FHIP1A: variants seen among roughly 807,000 people sequenced by gnomAD.
FHIP1A encodes FHF complex subunit HOOK-interacting protein 1A.
Under a neutral mutation model 88.6 loss-of-function variants are expected in FHIP1A, and 61 were observed. The ratio of observed to expected loss-of-function variants is 0.69; its 90% CI spans 0.56 to 0.85. The LOEUF is 0.85. Among genes scored for constraint, FHIP1A ranks in the 40% least tolerant of loss-of-function variants. The probability of loss-of-function intolerance (pLI) is 0.00; values close to 1 mark genes in which losing one functional copy is unlikely to be tolerated. For synonymous variants in FHIP1A, 478 were observed against 496.0 expected (o/e 0.96, Z 0.48); for missense variants, 1,154 against 1,273.5 (o/e 0.91, Z 1.43).
intron 2 of FHIP1A, among the ~76,000 whole-genome samples, chr4:151,466,059 C>T (rs572133190): frequency 2.0e-5 from 3 of 152,282 alleles, no homozygotes; most frequent in Admixed American, 6.5e-5. Flanking sequence ...TTGCAGATGA[C>T]ATGATTCTAT....
intron 3 of FHIP1A, among the ~76,000 whole-genome samples, chr4:151,487,170 C>T (rs1171347262): frequency 1.3e-5 from 2 of 151,992 alleles, no homozygotes; most frequent in Non-Finnish European, 2.9e-5. Context: ...CTTTTTGTCC[C>T]TGCCCTGTAT....
chr4:151,504,013 A>G (rs181143526), intron 3 of FHIP1A, among the ~76,000 whole-genome samples: 8 of 152,380 alleles, frequency 5.3e-5, no homozygotes, highest in African/African-American at 1.9e-4. Flanking sequence ...CCAACTTGTT[A>G]TATGGTCATA....
At position 151,663,423 on chromosome 4, in the gene FHIP1A, A is replaced by T. The variant is rs1737549587; in HGVS notation, c.*669A>T. ...CAGATAATTTTTCTTATTTCTTGAGAGCTTACTTTAATCAGCATGACACTA... is the reference window on the plus strand; with the variant it reads ...CAGATAATTTTTCTTATTTCTTGAGTGCTTACTTTAATCAGCATGACACTA... On this transcript the variant is annotated 3_prime_UTR_variant, in exon 14 of 14. Transcript: ENST00000435205. 1 of 152,200 alleles carries T rather than the reference A, an allele frequency of 6.6e-6. No individual in the cohort carries two copies. Among genetic ancestry groups the T allele is most frequent in the Admixed American group, 6.5e-5 (1 of 15,288 alleles). 9.4% of individuals were successfully genotyped at this position (152,200 alleles called of 1,614,324 possible). A position where few individuals can be genotyped will look rare whatever the true frequency, so the allele number is the denominator to read the frequency against.
intron 4 of FHIP1A, among the ~76,000 whole-genome samples, chr4:151,569,751 C>G (rs190083806): frequency 2.6e-5 from 4 of 152,196 alleles, no homozygotes; most frequent in Admixed American, 2.6e-4. Context: ...CCACTTATAC[C>G]TTAGAGCCTG....
At chr4:151,537,137 C>T (rs1305434715) in intron 3 of FHIP1A, among the ~76,000 whole-genome samples, 2 of 152,058 alleles carry the variant, frequency 1.3e-5, no homozygotes, top group African/African-American at 2.4e-5. Context: ...CTCAGCCTCC[C>T]AAAGTGCTGG....
chr4:151,570,879 T>A (rs1045202426), intron 4 of FHIP1A, among the ~76,000 whole-genome samples: 4 of 152,228 alleles, frequency 2.6e-5, no homozygotes, highest in African/African-American at 9.6e-5. Flanking sequence ...ATCTTTGGAC[T>A]TGGCATTAAA....
intron 7 of FHIP1A, among the ~76,000 whole-genome samples, chr4:151,596,542 G>A (rs1734657230): frequency 6.6e-6 from 1 of 152,094 alleles, no homozygotes; most frequent in South Asian, 2.1e-4. Context: ...GGTGGTCTCT[G>A]TATTTTCTGA....
In FHIP1A at chr4:151,446,484, C is replaced by CTTTT. The variant is rs372904502; in HGVS notation, c.-355-8208_-355-8205dup. On this transcript the variant is annotated intron_variant, in intron 1 of 13. Coordinates refer to ENST00000435205, the MANE Select transcript of FHIP1A (RefSeq NM_001109977.3). ...TCCTTTCCTTTTCCCTTTCCTTTTC[C>CTTTT]TTTTTTTTTTTTGCAGGATTCATTT... 4.6e-3 allele frequency among the ~76,000 whole-genome samples: 622 copies of CTTTT among 136,530 alleles called. 6 individuals are homozygous for CTTTT. Among genetic ancestry groups the CTTTT allele is most frequent in the African/African-American group, 0.01 (376 of 37,132 alleles). 89.6% of individuals were successfully genotyped at this position (136,530 alleles called of 152,430 possible). A position where few individuals can be genotyped will look rare whatever the true frequency, so the allele number is the denominator to read the frequency against.
In FHIP1A at chr4:151,425,819, A is replaced by G. The variant is rs191451685; in HGVS notation, c.-356+16354A>G. Among the ~76,000 whole-genome samples, 15 of 152,220 alleles carry G rather than the reference A, an allele frequency of 9.9e-5. No individual in the cohort carries two copies. The East Asian group carries it at 2.9e-3, about 29-fold the overall frequency. On this transcript the variant is annotated intron_variant, in intron 1 of 13. Coordinates refer to ENST00000435205, the MANE Select transcript of FHIP1A (RefSeq NM_001109977.3). Reference sequence around the variant, plus strand: ...CTCTGTCTTTGCATCATTCTCCTCTACATGTGTCCCTGTCTAATTTCTTTC... The same window carrying G: ...CTCTGTCTTTGCATCATTCTCCTCTGCATGTGTCCCTGTCTAATTTCTTTC...
intron 7 of FHIP1A, among the ~76,000 whole-genome samples, chr4:151,620,343 A>G (rs1735689444): frequency 6.6e-6 from 1 of 152,198 alleles, no homozygotes; most frequent in East Asian, 1.9e-4. Context: ...TGGCCAAGCC[A>G]TCTGCTTACC....
chr4:151,444,989 C>G (rs1728540048), intron 1 of FHIP1A, among the ~76,000 whole-genome samples: 1 of 152,118 alleles, frequency 6.6e-6, no homozygotes. Flanking sequence ...AGTTAGAGAG[C>G]CCACACATTA....
rs1158863483 is a variant in FHIP1A, at chr4:151,566,370, G to A, written c.105+6G>A. 5.2e-6 allele frequency: 8 copies of A among 1,526,604 alleles called. No individual in the cohort carries two copies. Among genetic ancestry groups the A allele is most frequent in the East Asian group, 2.5e-5 (1 of 40,816 alleles). The allele number at this position is 1,526,604 out of a possible 1,614,324, so 94.6% of individuals were successfully genotyped here. A position where few individuals can be genotyped will look rare whatever the true frequency, so the allele number is the denominator to read the frequency against. On this transcript the variant is annotated splice_donor_region_variant and intron_variant, in intron 4 of 13. Coordinates refer to ENST00000435205, the MANE Select transcript of FHIP1A (RefSeq NM_001109977.3). Reference sequence around the variant, plus strand: ...TTAAAAACCACTGGGCACAGGTAATGTATGAATTCCACTTTTTTTGCTGGT... The same window carrying A: ...TTAAAAACCACTGGGCACAGGTAATATATGAATTCCACTTTTTTTGCTGGT...
intron 1 of FHIP1A, among the ~76,000 whole-genome samples, chr4:151,417,393 C>T (rs1301464871): frequency 6.6e-6 from 1 of 152,172 alleles, no homozygotes; most frequent in Non-Finnish European, 1.5e-5. Flanking sequence ...CCTATGCAAA[C>T]ATCTGATTGG....
chr4:151,427,366 C>T (rs1042703236), intron 1 of FHIP1A, among the ~76,000 whole-genome samples: 2 of 152,126 alleles, frequency 1.3e-5, no homozygotes, highest in African/African-American at 4.8e-5. Context: ...GTTGCAAAAG[C>T]TTAAAATTAG....
chr4:151,599,479 G>A (rs955533868), intron 7 of FHIP1A, among the ~76,000 whole-genome samples: 2 of 152,164 alleles, frequency 1.3e-5, no homozygotes, highest in Non-Finnish European at 2.9e-5. Context: ...GGCTGGGAGA[G>A]CTTTCAGACT....
chr4:151,455,153 A>G (rs149002164), intron 2 of FHIP1A, among the ~76,000 whole-genome samples: 1 of 152,182 alleles, frequency 6.6e-6, no homozygotes, highest in Admixed American at 6.5e-5. Flanking sequence ...AGGCTTAGTA[A>G]AATTAATTTT....
intron 7 of FHIP1A, among the ~76,000 whole-genome samples, chr4:151,608,981 G>T (rs1735189194): frequency 6.6e-6 from 1 of 152,174 alleles, no homozygotes; most frequent in Non-Finnish European, 1.5e-5. Flanking sequence ...AGTAGTGTTT[G>T]ATTGAGCGGG....
chr4:151,577,381 T>G, intron 4 of FHIP1A, 69 bp from the exon 5 acceptor site: 1 of 1,420,392 alleles, frequency 7.0e-7, no homozygotes, highest in Non-Finnish European at 9.4e-7. Context: ...TTTGGTAAAA[T>G]CAGTGGTGAT....
intron 4 of FHIP1A, among the ~76,000 whole-genome samples, chr4:151,572,188 C>T (rs1733626029): frequency 6.6e-6 from 1 of 152,194 alleles, no homozygotes. Flanking sequence ...GCCTGGGTGA[C>T]AGAGCGAGAC....
Sources: allele counts gnomAD v4.1 joint callset (sites outside exome capture counted in the v4.1 genomes callset), GRCh38; gene constraint gnomAD v4.1.1; transcripts MANE v1.5; gene names NCBI Gene and HGNC (gene_info 2026-07-23, HGNC 2026-07-21).